The following DLGAP1 variants were observed in gnomAD, a reference collection of about 807,000 sequenced individuals.
DLGAP1 encodes DLG associated protein 1.
In DLGAP1, 11 loss-of-function variants were observed where a neutral mutation model predicts 90.8. That is an observed-to-expected ratio of 0.12 (90% CI 0.08 to 0.20). The LOEUF (loss-of-function observed/expected upper bound fraction) is 0.20, where lower values mean the gene tolerates loss of function less well. DLGAP1 is among the 10% of genes least tolerant of loss of function. The probability of loss-of-function intolerance (pLI) is 1.00; values close to 1 mark genes in which losing one functional copy is unlikely to be tolerated. For synonymous variants in DLGAP1, 558 were observed against 540.7 expected, an observed-to-expected ratio of 1.03 and a Z score of -0.44; for missense variants, 1,050 against 1,333.8, an observed-to-expected ratio of 0.79 and a Z score of 3.31.
chr18:4,398,173 G>T (rs112381157), intron 1 of DLGAP1, among the ~76,000 whole-genome samples: 47 of 152,152 alleles, frequency 3.1e-4, no homozygotes, highest in Non-Finnish European at 3.7e-4. Flanking sequence ...CACATGAGGA[G>T]ATAAGGCATA....
intron 5 of DLGAP1, among the ~76,000 whole-genome samples, chr18:3,750,669 T>C (rs2063461290): frequency 6.6e-6 from 1 of 152,186 alleles, no homozygotes; most frequent in African/African-American, 2.4e-5. Flanking sequence ...TTCGACACTC[T>C]CTTACGGAGG....
chr18:3,816,336 C>T (rs1312910398), intron 4 of DLGAP1, among the ~76,000 whole-genome samples: 2 of 152,152 alleles, frequency 1.3e-5, no homozygotes, highest in Non-Finnish European at 2.9e-5. Flanking sequence ...CAATAGCACA[C>T]ACACATATCA....
rs963068459 is a variant in DLGAP1 at position 3,601,019 on chromosome 18, T to G, written c.1592-18771A>C. Among the ~76,000 whole-genome samples, 33 of 142,952 alleles carry G rather than the reference T, an allele frequency of 2.3e-4. 1 individual carries two copies. The highest frequency in any genetic ancestry group is 5.0e-4 in the African/African-American group (19 of 37,716). The allele number at this position is 142,952 out of a possible 152,430, so 93.8% of individuals were successfully genotyped here. On this transcript the variant is annotated intron_variant, in intron 7 of 12. Transcript: ENST00000315677. The stretch of plus-strand genomic sequence containing the variant: ...AGATATATAGATATAGATAGATATA[T>G]AGATATATAGATATAGAGATAAAGA...
rs553694658 is a variant in DLGAP1 at position 4,333,173 on chromosome 18, G to A, written c.-267+121833C>T. On this transcript the variant is annotated intron_variant, in intron 1 of 12. Transcript: ENST00000315677. ...CTGAGCAGTTTGTCTGGCCTGGTTA[G>A]GTACTGCTGATCTCGCTAGGTCAGC... Among the ~76,000 whole-genome samples, 36 of 151,996 alleles carry A rather than the reference G, an allele frequency of 2.4e-4. 1 individual carries two copies. The highest frequency in any genetic ancestry group is 8.5e-4 in the African/African-American group (35 of 41,250).
At chr18:3,613,333 C>T (rs1791377) in intron 7 of DLGAP1, among the ~76,000 whole-genome samples, 67,427 of 151,892 alleles carry the variant, frequency 0.44, 16,138 homozygotes, top group African/African-American at 0.6. Flanking sequence ...TATTGTCTTC[C>T]GTTTTGTTTT....
intron 3 of DLGAP1, among the ~76,000 whole-genome samples, chr18:3,986,905 C>T (rs997974106): frequency 6.6e-6 from 1 of 152,094 alleles, no homozygotes; most frequent in African/African-American, 2.4e-5. Context: ...AATGGTGACA[C>T]CCTGCCTCCC....
chr18:3,512,782 C>T (rs1004484254), intron 10 of DLGAP1, among the ~76,000 whole-genome samples: 1 of 152,220 alleles, frequency 6.6e-6, no homozygotes, highest in African/African-American at 2.4e-5. Context: ...TTTGGGCTCT[C>T]TTCTCTCTAA....
At position 3,973,426 on chromosome 18, in the gene DLGAP1, C is replaced by T. The variant is rs77737134; in HGVS notation, c.-73+31690G>A. ...AATTCATCTCAGTTTGTATGAGCTC[C>T]GTCACCTTTGTGCTCCTGTTACTCC... On this transcript the variant is annotated intron_variant, in intron 3 of 12. Coordinates refer to ENST00000315677, the MANE Select transcript of DLGAP1 (RefSeq NM_004746.4). 8.6e-3 allele frequency among the ~76,000 whole-genome samples: 1,302 copies of T among 152,228 alleles called. 7 individuals are homozygous for T. Among genetic ancestry groups the T allele is most frequent in the Non-Finnish European group, 0.014 (953 of 68,014 alleles).
intron 5 of DLGAP1, among the ~76,000 whole-genome samples, chr18:3,786,168 T>C (rs1362729956): frequency 4.6e-5 from 7 of 152,166 alleles, no homozygotes; most frequent in Non-Finnish European, 8.8e-5. Flanking sequence ...CTTAATCACA[T>C]CTGCAAAGTC....
chr18:3,918,072 T>C (rs2072186679), intron 3 of DLGAP1, among the ~76,000 whole-genome samples: 1 of 152,170 alleles, frequency 6.6e-6, no homozygotes, highest in Admixed American at 6.5e-5. Context: ...GACAATGAAC[T>C]AGAGGATCTT....
At chr18:4,176,991 C>G (rs1054445181) in intron 1 of DLGAP1, among the ~76,000 whole-genome samples, 4 of 152,068 alleles carry the variant, frequency 2.6e-5, no homozygotes, top group African/African-American at 7.2e-5. Flanking sequence ...GGATGCAGAC[C>G]CTCAGAGACA....
chr18:3,611,768 C>A (rs759273351), intron 7 of DLGAP1, among the ~76,000 whole-genome samples: 2 of 152,110 alleles, frequency 1.3e-5, no homozygotes, highest in Non-Finnish European at 2.9e-5. Flanking sequence ...CAAAGAAAAT[C>A]CAAACAAAAA....
intron 1 of DLGAP1, among the ~76,000 whole-genome samples, chr18:4,426,157 C>T (rs749703530): frequency 1.5e-4 from 23 of 152,182 alleles, no homozygotes; most frequent in Non-Finnish European, 2.8e-4. Flanking sequence ...AGTTCTGTTT[C>T]AGCGTTCAGA....
At chr18:3,648,450 A>AT (rs921801466) in intron 7 of DLGAP1, among the ~76,000 whole-genome samples, 299 of 152,342 alleles carry the variant, frequency 2.0e-3, no homozygotes, top group African/African-American at 6.9e-3. Context: ...ATCGTTTAAG[A>AT]GGGTGTGATT....
chr18:3,904,407 T>C (rs12454344), intron 3 of DLGAP1, among the ~76,000 whole-genome samples: 51,617 of 152,088 alleles, frequency 0.34, 10,377 homozygotes, highest in Admixed American at 0.47. Flanking sequence ...CATAACCCTT[T>C]AGGGAAATAG....
chr18:3,906,712 C>T (rs1158402545), intron 3 of DLGAP1, among the ~76,000 whole-genome samples: 5 of 152,044 alleles, frequency 3.3e-5, no homozygotes, highest in Non-Finnish European at 5.9e-5. Flanking sequence ...TGGGTGAGAC[C>T]AATGTAAATA....
At chr18:3,734,008 T>C (rs985318029) in intron 6 of DLGAP1, among the ~76,000 whole-genome samples, 1 of 152,324 alleles carries the variant, frequency 6.6e-6, no homozygotes, top group Non-Finnish European at 1.5e-5. Flanking sequence ...CTGATGTTGA[T>C]TGTTCAGGGT....
chr18:3,761,122 G>A (rs66824624), intron 5 of DLGAP1, among the ~76,000 whole-genome samples: 9,414 of 152,084 alleles, frequency 0.062, 307 homozygotes, highest in Non-Finnish European at 0.067. Context: ...CCATTTTAAG[G>A]GTACAGTTCG....
intron 4 of DLGAP1, among the ~76,000 whole-genome samples, chr18:3,823,180 T>C (rs952676241): frequency 5.3e-5 from 8 of 151,954 alleles, no homozygotes; most frequent in Middle Eastern, 3.2e-3. Context: ...AGCCCAAGAG[T>C]TGGGGTAGGA....
Sources: allele counts gnomAD v4.1 joint callset (sites outside exome capture counted in the v4.1 genomes callset), GRCh38; gene constraint gnomAD v4.1.1; transcripts MANE v1.5; gene names NCBI Gene and HGNC (gene_info 2026-07-23, HGNC 2026-07-21).